Variants in ST6GALNAC5 observed in about 807,000 individuals in gnomAD.
ST6GALNAC5 encodes ST6 N-acetylgalactosaminide alpha-2,6-sialyltransferase 5.
Under a neutral mutation model 33.6 loss-of-function variants are expected in ST6GALNAC5, and 27 were observed. The observed-to-expected ratio is 0.80, with a 90% CI of 0.59 to 1.11. The LOEUF (loss-of-function observed/expected upper bound fraction) is 1.11. Ranked by LOEUF, ST6GALNAC5 falls within the 50% of genes least tolerant of loss-of-function variation. ST6GALNAC5 has a pLI of 0.00. For synonymous variants in ST6GALNAC5, 194 were observed against 171.2 expected (o/e 1.13, Z -1.04); for missense variants, 428 against 454.0 (o/e 0.94, Z 0.52).
At chr1:76,922,184 C>T (rs1450604084) in intron 2 of ST6GALNAC5, among the ~76,000 whole-genome samples, 4 of 152,146 alleles carry the variant, frequency 2.6e-5, no homozygotes. Context: ...GAAAGAACAA[C>T]ATGCTTAAAG....
intron 2 of ST6GALNAC5, among the ~76,000 whole-genome samples, chr1:76,881,771 C>A (rs1342511318): frequency 6.6e-6 from 1 of 152,196 alleles, no homozygotes; most frequent in African/African-American, 2.4e-5. Context: ...ATCAATTCCT[C>A]CTGCCACAAT....
chr1:76,987,893 C>T (rs1649574175), intron 2 of ST6GALNAC5, among the ~76,000 whole-genome samples: 1 of 152,036 alleles, frequency 6.6e-6, no homozygotes, highest in Non-Finnish European at 1.5e-5. Context: ...GTTCTTAGAG[C>T]TTGTTGTATG....
intron 4 of ST6GALNAC5, among the ~76,000 whole-genome samples, chr1:77,058,728 T>A (rs1378351071): frequency 1.3e-5 from 2 of 152,298 alleles, no homozygotes; most frequent in East Asian, 3.9e-4. Flanking sequence ...GAGGACTAAA[T>A]AAGTGAGTGT....
At chr1:76,881,018 C>A (rs535246989) in intron 2 of ST6GALNAC5, among the ~76,000 whole-genome samples, 1 of 152,284 alleles carries the variant, frequency 6.6e-6, no homozygotes, top group African/African-American at 2.4e-5. Flanking sequence ...AAAATTAAAA[C>A]ATATCATTAA....
intron 2 of ST6GALNAC5, among the ~76,000 whole-genome samples, chr1:76,961,522 C>T (rs560198710): frequency 1.3e-5 from 2 of 152,200 alleles, no homozygotes; most frequent in Non-Finnish European, 2.9e-5. Flanking sequence ...CCATGATCTG[C>T]CCATGCCGCC....
intron 2 of ST6GALNAC5, among the ~76,000 whole-genome samples, chr1:77,042,688 ACTATGACAATC>A (rs1271065029): frequency 6.6e-6 from 1 of 152,256 alleles, no homozygotes; most frequent in Non-Finnish European, 1.5e-5. Flanking sequence ...GTGAATGATC[ACTATGACAATC>A]CTATGCTAAA....
Position 77,063,121 on chromosome 1 carries a change from G to A in ST6GALNAC5, c.926G>A (p.Arg309Gln), listed in dbSNP as rs368306231. Residue 309 changes from arginine (R) to glutamine (Q), a missense_variant, in exon 5 of 5, where the codon CGG (arginine) becomes CAG (glutamine). By Grantham distance (43) the Arg-to-Gln change is conservative. Transcript: ENST00000477717. ...TEKRVFKNWA[R>Q]TFNIHFFQPD... is the part of the protein sequence containing the mutation. ...AAACGAGTCTTTAAGAACTGGGCAC[G>A]GACATTCAATATTCACTTTTTTCAA... The A allele has an allele frequency of 3.3e-5, 54 of 1,613,568 alleles. No individual in the cohort carries two copies. Among genetic ancestry groups the A allele is most frequent in the African/African-American group, 6.7e-5 (5 of 74,804 alleles).
At chr1:76,941,823 A>AAT (rs2100325492) in intron 2 of ST6GALNAC5, among the ~76,000 whole-genome samples, 1 of 152,212 alleles carries the variant, frequency 6.6e-6, no homozygotes, top group East Asian at 1.9e-4. Flanking sequence ...ACTGTGAGAG[A>AAT]ATAGATTTCC....
chr1:77,016,120 CCT>C, intron 2 of ST6GALNAC5, among the ~76,000 whole-genome samples: 2 of 143,936 alleles, frequency 1.4e-5, no homozygotes, highest in African/African-American at 2.6e-5. Flanking sequence ...TCCTCCCTCT[CCT>C]CCTCCTGTAT....
intron 2 of ST6GALNAC5, among the ~76,000 whole-genome samples, chr1:76,877,229 C>A (rs1321059844): frequency 1.3e-5 from 2 of 152,166 alleles, no homozygotes; most frequent in Non-Finnish European, 2.9e-5. Context: ...GGTGATTCAC[C>A]TTTTGGGCTT....
Position 77,063,196 on chromosome 1 carries a change from C to T in ST6GALNAC5, c.1001C>T (p.Pro334Leu). 1.2e-6 allele frequency: 2 copies of T among 1,613,012 alleles called. No individual in the cohort carries two copies. Among genetic ancestry groups the T allele is most frequent in the Non-Finnish European group, 1.7e-6 (2 of 1,179,290 alleles). Residue 334 changes from proline to leucine, a missense_variant, in exon 5 of 5, where the codon CCT (proline) becomes CTT (leucine). Physicochemically the swap from Pro to Leu is moderately conservative, Grantham distance 98. Coordinates refer to ENST00000477717, the MANE Select transcript of ST6GALNAC5 (RefSeq NM_030965.3). ...SLAINHPENK[P>L]VF ...GCTATAAATCATCCTGAGAATAAACCTGTGTTCTAAGGAATGAGCATGCCA... is the reference window on the plus strand; with the variant it reads ...GCTATAAATCATCCTGAGAATAAACTTGTGTTCTAAGGAATGAGCATGCCA...
chr1:76,978,500 A>G (rs555406196), intron 2 of ST6GALNAC5, among the ~76,000 whole-genome samples: 2 of 152,352 alleles, frequency 1.3e-5, no homozygotes, highest in East Asian at 3.9e-4. Flanking sequence ...GTGATACATC[A>G]CATTAACATA....
At chr1:77,012,849 C>T (rs1230977313) in intron 2 of ST6GALNAC5, among the ~76,000 whole-genome samples, 2 of 152,144 alleles carry the variant, frequency 1.3e-5, no homozygotes, top group Non-Finnish European at 2.9e-5. Context: ...AATCTTACAA[C>T]TGAGTGGTGG....
At chr1:76,940,665 A>G (rs1203716904) in intron 2 of ST6GALNAC5, among the ~76,000 whole-genome samples, 1 of 152,056 alleles carries the variant, frequency 6.6e-6, no homozygotes, top group Non-Finnish European at 1.5e-5. Context: ...CCCCAGCTAG[A>G]GAAAGTCTGC....
intron 2 of ST6GALNAC5, among the ~76,000 whole-genome samples, chr1:76,905,481 G>A (rs1646856371): frequency 6.6e-6 from 1 of 152,140 alleles, no homozygotes; most frequent in Non-Finnish European, 1.5e-5. Flanking sequence ...AAATGGGAAG[G>A]GAACAGCGTA....
Position 77,063,010 on chromosome 1 carries a change from A to G in ST6GALNAC5, c.815A>G (p.Tyr272Cys). 1.2e-6 allele frequency: 2 copies of G among 1,613,902 alleles called. No homozygotes were observed. Among genetic ancestry groups the G allele is most frequent in the Non-Finnish European group, 1.7e-6 (2 of 1,179,880 alleles). The part of the protein sequence containing the change: ...PNHPSVPYHY[Y>C]EPFGPDECTM... ...CACCCTTCAGTACCTTATCATTATT[A>G]TGAACCTTTTGGACCTGATGAATGT... Residue 272 changes from tyrosine to cysteine, a missense_variant, in exon 5 of 5, where the codon TAT (tyrosine) becomes TGT (cysteine). Tyr to Cys is a radical substitution (Grantham distance 194). Coordinates refer to ENST00000477717, the MANE Select transcript of ST6GALNAC5 (RefSeq NM_030965.3).
chr1:76,974,483 T>C (rs566251409), intron 2 of ST6GALNAC5, among the ~76,000 whole-genome samples: 20 of 152,164 alleles, frequency 1.3e-4, no homozygotes, highest in African/African-American at 4.6e-4. Flanking sequence ...GTTCCAGGCA[T>C]GAGCTACTGT....
At chr1:77,056,755 G>A (rs1288472426) in intron 4 of ST6GALNAC5, among the ~76,000 whole-genome samples, 2 of 152,192 alleles carry the variant, frequency 1.3e-5, no homozygotes, top group Non-Finnish European at 2.9e-5. Context: ...CCCAGGGTGA[G>A]GGTGGGGCTT....
chr1:76,893,121 T>C (rs1214752040), intron 2 of ST6GALNAC5, among the ~76,000 whole-genome samples: 2 of 152,006 alleles, frequency 1.3e-5, no homozygotes, highest in Non-Finnish European at 2.9e-5. Context: ...AATGAAAAAA[T>C]GTAGATCCTG....
Sources: allele counts gnomAD v4.1 joint callset (sites outside exome capture counted in the v4.1 genomes callset), GRCh38; gene constraint gnomAD v4.1.1; transcripts MANE v1.5; gene names NCBI Gene and HGNC (gene_info 2026-07-23, HGNC 2026-07-21).